Variants in ARHGEF3 observed in about 807,000 individuals in gnomAD.
The protein encoded by ARHGEF3 is 59.8 kDA protein.
Under a neutral mutation model 63.2 loss-of-function variants are expected in ARHGEF3, and 28 were observed. The ratio of observed to expected loss-of-function variants is 0.44; its 90% CI spans 0.33 to 0.61. ARHGEF3 has a LOEUF of 0.61. Ranked by LOEUF, ARHGEF3 falls within the 20% of genes least tolerant of loss-of-function variation. ARHGEF3 has a pLI of 0.03. For missense variants in ARHGEF3, 533 were observed against 659.3 expected, an observed-to-expected ratio of 0.81 and a Z score of 2.10; for synonymous variants, 266 against 254.2, an observed-to-expected ratio of 1.05 and a Z score of -0.44.
At chr3:56,777,717 T>C (rs2036352799) in intron 1 of ARHGEF3, among the ~76,000 whole-genome samples, 1 of 152,114 alleles carries the variant, frequency 6.6e-6, no homozygotes, top group Non-Finnish European at 1.5e-5. Context: ...TGAGGAATAG[T>C]AGGAATATCA....
At chr3:56,765,131 C>G (rs995602512) in intron 2 of ARHGEF3, among the ~76,000 whole-genome samples, 1 of 152,150 alleles carries the variant, frequency 6.6e-6, no homozygotes, top group Admixed American at 6.5e-5. Flanking sequence ...TAGTAAAGAA[C>G]AGCAGAGAAT....
intron 1 of ARHGEF3, among the ~76,000 whole-genome samples, chr3:57,061,154 C>A (rs1285018765): frequency 6.6e-6 from 1 of 152,138 alleles, no homozygotes; most frequent in East Asian, 1.9e-4. Flanking sequence ...CCTCTCCCAG[C>A]CCCTACTGTA....
intron 4 of ARHGEF3, among the ~76,000 whole-genome samples, chr3:56,809,106 G>T (rs956671841): frequency 6.6e-6 from 1 of 152,152 alleles, no homozygotes; most frequent in African/African-American, 2.4e-5. Flanking sequence ...TGAGTGCCAA[G>T]AAACCCCAGA....
chr3:56,819,516 T>TG (rs200347457), intron 4 of ARHGEF3, among the ~76,000 whole-genome samples: 6,201 of 151,720 alleles, frequency 0.041, 398 homozygotes, highest in African/African-American at 0.14. Flanking sequence ...TGGCAGTTTT[T>TG]TTTTTTTTTT....
At chr3:56,732,842 AC>A (rs2107685195) in intron 8 of ARHGEF3, among the ~76,000 whole-genome samples, 1 of 152,290 alleles carries the variant, frequency 6.6e-6, no homozygotes, top group East Asian at 1.9e-4. Context: ...AGTTTATATT[AC>A]TCAATATAAT....
At chr3:56,775,443 C>T in intron 1 of ARHGEF3, 1 of 1,009,464 alleles carries the variant, frequency 9.9e-7, no homozygotes, top group Non-Finnish European at 1.2e-6. Context: ...CATGATTTCT[C>T]AAAGCAGTTA....
intron 4 of ARHGEF3, among the ~76,000 whole-genome samples, chr3:56,818,081 C>T (rs780578273): frequency 2.0e-5 from 3 of 152,090 alleles, no homozygotes; most frequent in African/African-American, 4.8e-5. Flanking sequence ...ATTTTATACC[C>T]GAGAGGTTAG....
At chr3:56,923,182 C>G (rs998379398) in intron 3 of ARHGEF3, among the ~76,000 whole-genome samples, 3 of 150,618 alleles carry the variant, frequency 2.0e-5, no homozygotes, top group South Asian at 2.1e-4. Flanking sequence ...GAGCCAAGAT[C>G]GTGCCACTCC....
intron 7 of ARHGEF3, among the ~76,000 whole-genome samples, chr3:56,738,313 C>G (rs2033777829): frequency 6.6e-6 from 1 of 152,082 alleles, no homozygotes; most frequent in African/African-American, 2.4e-5. Flanking sequence ...GCTGGGATTA[C>G]AAGTGTGAGC....
At chr3:57,026,643 G>A (rs1250743226) in intron 2 of ARHGEF3, among the ~76,000 whole-genome samples, 3 of 152,166 alleles carry the variant, frequency 2.0e-5, no homozygotes, top group Non-Finnish European at 2.9e-5. Context: ...TACCCTACCT[G>A]GACAGGGCCG....
At chr3:56,979,980 C>T (rs1384253303) in intron 2 of ARHGEF3, among the ~76,000 whole-genome samples, 1 of 152,142 alleles carries the variant, frequency 6.6e-6, no homozygotes, top group Non-Finnish European at 1.5e-5. Flanking sequence ...GATCACACAT[C>T]GACCACTCAC....
At chr3:56,862,758 T>G (rs2040121764) in intron 4 of ARHGEF3, among the ~76,000 whole-genome samples, 1 of 152,202 alleles carries the variant, frequency 6.6e-6, no homozygotes, top group Non-Finnish European at 1.5e-5. Context: ...TGAGCATGCC[T>G]GTTACAACTG....
intron 1 of ARHGEF3, among the ~76,000 whole-genome samples, chr3:57,053,550 C>T (rs1336582976): frequency 1.3e-5 from 2 of 152,218 alleles, no homozygotes; most frequent in Non-Finnish European, 2.9e-5. Context: ...CTTAAGTATA[C>T]AACTCAATAA....
At chr3:56,968,472 C>T (rs1169032971) in intron 2 of ARHGEF3, among the ~76,000 whole-genome samples, 1 of 142,652 alleles carries the variant, frequency 7.0e-6, no homozygotes, top group Non-Finnish European at 1.5e-5. Flanking sequence ...CCTAAGACTA[C>T]AGGCACACAC....
chr3:57,007,076 A>T (rs151257043), intron 2 of ARHGEF3: 2 of 989,708 alleles, frequency 2.0e-6, no homozygotes, highest in South Asian at 1.6e-5. Flanking sequence ...GCTGACTATT[A>T]AGGTGTGCTC....
At chr3:56,830,882 C>G (rs1027352456) in intron 4 of ARHGEF3, among the ~76,000 whole-genome samples, 1 of 152,148 alleles carries the variant, frequency 6.6e-6, no homozygotes, top group Non-Finnish European at 1.5e-5. Context: ...CCTGACCTCC[C>G]AGCTATAGGA....
At chr3:56,729,665 T>C in intron 9 of ARHGEF3, 43 bp from the exon 10 acceptor site, 1 of 1,501,690 alleles carries the variant, frequency 6.7e-7, no homozygotes, top group South Asian at 1.3e-5. Flanking sequence ...AATGGACAGA[T>C]CCTTCCTCAG....
At chr3:57,001,594 G>C (rs968234585) in intron 2 of ARHGEF3, among the ~76,000 whole-genome samples, 1 of 152,230 alleles carries the variant, frequency 6.6e-6, no homozygotes. Context: ...ACAGAAATCT[G>C]CTGGGATTCC....
At chr3:56,820,194 C>T (rs943651010) in intron 4 of ARHGEF3, among the ~76,000 whole-genome samples, 5 of 152,156 alleles carry the variant, frequency 3.3e-5, no homozygotes, top group Admixed American at 1.3e-4. Context: ...TGCTGTTATA[C>T]TACTGCCAGG....
Sources: gnomAD v4.1 joint callset for allele counts (sites outside exome capture counted in the v4.1 genomes callset) on GRCh38, gnomAD v4.1.1 for gene constraint, MANE v1.5 for transcripts, NCBI Gene and HGNC (gene_info 2026-07-23, HGNC 2026-07-21) for gene names.